ATP6V0A2: variants seen among roughly 807,000 people sequenced by gnomAD.
ATP6V0A2 encodes ATPase H+ transporting V0 subunit a2.
In ATP6V0A2, 58 loss-of-function variants were observed where a neutral mutation model predicts 104.4. The ratio of observed to expected loss-of-function variants is 0.56; its 90% CI spans 0.45 to 0.69. The LOEUF is 0.69. Among genes scored for constraint, ATP6V0A2 ranks in the 30% least tolerant of loss-of-function variants. The pLI is 0.00. For missense variants in ATP6V0A2, 938 were observed against 1,062.9 expected (o/e 0.88, Z 1.63); for synonymous variants, 376 against 397.9 (o/e 0.95, Z 0.65).
chr12:123,740,314 C>T (rs1956596954), intron 9 of ATP6V0A2, among the ~76,000 whole-genome samples: 1 of 151,894 alleles, frequency 6.6e-6, no homozygotes, highest in Non-Finnish European at 1.5e-5. Flanking sequence ...AAGTGATTCT[C>T]ATGCCTCAGC....
chr12:123,747,778 T>G, intron 14 of ATP6V0A2, 53 bp downstream of exon 14: 2 of 1,238,964 alleles, frequency 1.6e-6, no homozygotes, highest in Non-Finnish European at 2.4e-6. Flanking sequence ...TTGGCATTTC[T>G]TCAATTTTGC....
rs140223278 is a variant in ATP6V0A2, at chr12:123,724,732, C to A, written c.373C>A (p.Leu125Met). 3.0e-5 allele frequency: 48 copies of A among 1,613,630 alleles called. No individual in the cohort carries two copies. The highest frequency in any genetic ancestry group is 3.9e-5 in the Non-Finnish European group (46 of 1,179,882). The change falls in exon 4 of 20, where the codon CTG (leucine) becomes ATG (methionine). Residue 125 changes from leucine (L) to methionine (M), a missense_variant. Leu to Met is a conservative substitution (Grantham distance 15). Coordinates refer to ENST00000330342, the MANE Select transcript of ATP6V0A2 (RefSeq NM_012463.4). ...GAAACTGAGGAAAAACTTGCTGGAACTGATAGAGTACACTCACATGCTGAG... is the reference window on the plus strand; with the variant it reads ...GAAACTGAGGAAAAACTTGCTGGAAATGATAGAGTACACTCACATGCTGAG... ...KEKLRKNLLE[L>M]IEYTHMLRVT...
At chr12:123,754,722 C>T (rs1956747402) in intron 18 of ATP6V0A2, 185 bp downstream of exon 18, 1 of 603,404 alleles carries the variant, frequency 1.7e-6, no homozygotes, top group Non-Finnish European at 3.0e-6. Context: ...CTGAGGAGTG[C>T]TGTGGAAAAA....
chr12:123,759,164 A>G lies in ATP6V0A2; in HGVS notation c.*1132A>G, dbSNP rs575768133. ...GAGTGAAGGAAAGGTAAAAAGTAGTATTTTGTATATTTTTGTAACAAAATA... is the reference window on the plus strand; with the variant it reads ...GAGTGAAGGAAAGGTAAAAAGTAGTGTTTTGTATATTTTTGTAACAAAATA... On this transcript the variant is annotated 3_prime_UTR_variant, in exon 20 of 20. Transcript: ENST00000330342. 2 of 152,702 alleles carry G rather than the reference A, an allele frequency of 1.3e-5. No individual in the cohort carries two copies. The highest frequency in any genetic ancestry group is 1.3e-4 in the Admixed American group (2 of 15,306). 9.5% of individuals were successfully genotyped at this position (152,702 alleles called of 1,614,324 possible).
At position 123,756,439 on chromosome 12, in the gene ATP6V0A2, C is replaced by T. The variant is rs1431684504; in HGVS notation, c.2294-376C>T. 1.6e-5 allele frequency: 3 copies of T among 191,252 alleles called. No individual in the cohort carries two copies. The Admixed American group carries it at 1.7e-4, about 11-fold the overall frequency. 11.8% of individuals were successfully genotyped at this position (191,252 alleles called of 1,614,324 possible). On this transcript the variant is annotated intron_variant, in intron 18 of 19. Coordinates refer to ENST00000330342, the MANE Select transcript of ATP6V0A2 (RefSeq NM_012463.4). Reference sequence around the variant, plus strand: ...ATTTTGCAGAGGTGGTGACTGAAGCCACTGAGTGTCGGTGCTTTACTCATG... The same window carrying T: ...ATTTTGCAGAGGTGGTGACTGAAGCTACTGAGTGTCGGTGCTTTACTCATG...
chr12:123,729,702 A>T (rs1956482787), intron 6 of ATP6V0A2, among the ~76,000 whole-genome samples: 1 of 152,140 alleles, frequency 6.6e-6, no homozygotes, highest in South Asian at 2.1e-4. Flanking sequence ...CTTAATTTTG[A>T]GGAAAGGTTG....
At chr12:123,750,977 T>G in intron 15 of ATP6V0A2, 133 bp from the exon 16 acceptor site, 1 of 1,243,034 alleles carries the variant, frequency 8.0e-7, no homozygotes, top group Non-Finnish European at 1.2e-6. Context: ...CTGGCAAGTG[T>G]AGCTGGCTGG....
At chr12:123,735,964 C>T (rs1393260950) in intron 8 of ATP6V0A2, among the ~76,000 whole-genome samples, 2 of 152,108 alleles carry the variant, frequency 1.3e-5, no homozygotes. Context: ...CCTCTGCCTC[C>T]TGGGTTCAAG....
At chr12:123,748,431 C>T in intron 14 of ATP6V0A2, 144 bp from the exon 15 acceptor site, 1 of 737,828 alleles carries the variant, frequency 1.4e-6, no homozygotes, top group African/African-American at 1.7e-5. Flanking sequence ...TGTATCTGGA[C>T]ACTCAGATGT....
intron 5 of ATP6V0A2, among the ~76,000 whole-genome samples, chr12:123,726,705 T>G (rs184834081): frequency 3.2e-4 from 48 of 152,326 alleles, no homozygotes; most frequent in African/African-American, 1.1e-3. Context: ...TGGTAATTTG[T>G]TTCCTCGTGC....
In ATP6V0A2 at chr12:123,718,616, T is replaced by C; in HGVS notation, c.118-7T>C. ...AATTTAAACCATATTTTTCATCCTTTTCTCAGCTCAACCAGAACGTAAGTT... is the reference window on the plus strand; with the variant it reads ...AATTTAAACCATATTTTTCATCCTTCTCTCAGCTCAACCAGAACGTAAGTT... On this transcript the variant is annotated splice_polypyrimidine_tract_variant and splice_region_variant and intron_variant, in intron 1 of 19. Transcript: ENST00000330342. The C allele has an allele frequency of 6.2e-7, 1 of 1,606,194 alleles. No homozygotes were observed. Among genetic ancestry groups the C allele is most frequent in the Non-Finnish European group, 8.5e-7 (1 of 1,174,056 alleles).
At chr12:123,751,009 G>C in intron 15 of ATP6V0A2, 101 bp from the exon 16 acceptor site, 2 of 1,508,300 alleles carry the variant, frequency 1.3e-6, no homozygotes. Flanking sequence ...TGTTCCTCGC[G>C]TGGAGACATT....
intron 17 of ATP6V0A2, 77 bp downstream of exon 17, chr12:123,752,479 A>C (rs1593919041): frequency 3.9e-6 from 6 of 1,549,440 alleles, no homozygotes; most frequent in Non-Finnish European, 5.3e-6. Context: ...TTAAGATAAT[A>C]TTTAATCATC....
At chr12:123,715,588 G>A (rs10773025) in intron 1 of ATP6V0A2, among the ~76,000 whole-genome samples, 10,955 of 152,164 alleles carry the variant, frequency 0.072, 558 homozygotes, top group African/African-American at 0.13. Flanking sequence ...GATAAATTTC[G>A]TGTCTTAAAT....
Position 123,712,461 on chromosome 12 carries a change from A to G in ATP6V0A2, c.-105A>G. On this transcript the variant is annotated 5_prime_UTR_variant, in exon 1 of 20. Coordinates refer to ENST00000330342, the MANE Select transcript of ATP6V0A2 (RefSeq NM_012463.4). The stretch of plus-strand genomic sequence containing the variant: ...CATAGTGCGGGGCCGCGGCCAGGCC[A>G]CAGGAAGAGCTCGAGGCCCGGGCCG... The G allele has an allele frequency of 1.5e-6, 1 of 668,634 alleles. No individual in the cohort carries two copies. Among genetic ancestry groups the G allele is most frequent in the Non-Finnish European group, 2.3e-6 (1 of 439,850 alleles). The allele number at this position is 668,634 out of a possible 1,614,324, so 41.4% of individuals were successfully genotyped here.
intron 18 of ATP6V0A2, chr12:123,756,364 C>T (rs1208588707): frequency 1.3e-5 from 2 of 151,118 alleles, no homozygotes; most frequent in Non-Finnish European, 2.9e-5. Flanking sequence ...ATAAGCATAG[C>T]CAAAGGTCTG....
chr12:123,761,687 A>G lies in ATP6V0A2; in HGVS notation c.*3655A>G, dbSNP rs1956827863. On this transcript the variant is annotated 3_prime_UTR_variant, in exon 20 of 20. Coordinates refer to ENST00000330342, the MANE Select transcript of ATP6V0A2 (RefSeq NM_012463.4). ...TGCTCCACAAATGCATGAAAGGACA[A>G]ATTTGCATCTTCTATCAGTATTTAA... The G allele has an allele frequency of 6.6e-6, 1 of 152,202 alleles. No individual in the cohort carries two copies. Among genetic ancestry groups the G allele is most frequent in the Non-Finnish European group, 1.5e-5 (1 of 68,042 alleles). The allele number at this position is 152,202 out of a possible 1,614,324, so 9.4% of individuals were successfully genotyped here. A position where few individuals can be genotyped will look rare whatever the true frequency, so the allele number is the denominator to read the frequency against.
chr12:123,740,204 CTTTT>C (rs34257905), intron 9 of ATP6V0A2, among the ~76,000 whole-genome samples: 1 of 141,688 alleles, frequency 7.1e-6, no homozygotes, highest in Non-Finnish European at 1.5e-5. Context: ...CTCTCTCTCT[CTTTT>C]TTTTTTTTTT....
chr12:123,742,070 G>T (rs533683952), intron 9 of ATP6V0A2, among the ~76,000 whole-genome samples: 2 of 152,196 alleles, frequency 1.3e-5, no homozygotes, highest in Non-Finnish European at 2.9e-5. Context: ...GCGTGTGGCC[G>T]CTCAACAGGG....
Sources: gnomAD v4.1 joint callset for allele counts (sites outside exome capture counted in the v4.1 genomes callset) on GRCh38, gnomAD v4.1.1 for gene constraint, MANE v1.5 for transcripts, NCBI Gene and HGNC (gene_info 2026-07-23, HGNC 2026-07-21) for gene names.